The following PIBF1 variants were observed in gnomAD, a reference collection of about 807,000 sequenced individuals.
PIBF1 encodes progesterone-induced-blocking factor 1.
In PIBF1, 90 loss-of-function variants were observed where a neutral mutation model predicts 112.5. That is an observed-to-expected ratio of 0.80 (90% CI 0.67 to 0.95). PIBF1 has a LOEUF of 0.95. Ranked by LOEUF, PIBF1 falls within the 40% of genes least tolerant of loss-of-function variation. PIBF1 has a pLI of 0.00. For missense variants in PIBF1, 915 were observed against 852.3 expected (o/e 1.07, Z -0.92); for synonymous variants, 301 against 288.6 (o/e 1.04, Z -0.44).
In PIBF1 at chr13:72,933,096, T is replaced by TAAATAAAC; in HGVS notation, c.1833+1832_1833+1833insTAAACAAA. On this transcript the variant is annotated intron_variant, in intron 14 of 17. Coordinates refer to ENST00000326291, the MANE Select transcript of PIBF1 (RefSeq NM_006346.4). ...TGCTAGGTGGAAGCAGAAAAGATAA[T>TAAATAAAC]AAACAAACAAACAAACCTCTGTTTG... Among the ~76,000 whole-genome samples the TAAATAAAC allele has an allele frequency of 1.5e-5, 2 of 133,560 alleles. 1 individual carries two copies. The highest frequency in any genetic ancestry group is 6.9e-3 in the Middle Eastern group (2 of 288). The allele number at this position is 133,560 out of a possible 152,430, so 87.6% of individuals were successfully genotyped here.
chr13:72,785,461 T>C (rs2138316973), intron 2 of PIBF1, among the ~76,000 whole-genome samples: 1 of 152,322 alleles, frequency 6.6e-6, no homozygotes, highest in Non-Finnish European at 1.5e-5. Context: ...ACAAAGCCAC[T>C]AGGTGGTTAA....
At chr13:73,014,465 A>G (rs1198015846) in intron 17 of PIBF1, among the ~76,000 whole-genome samples, 1 of 152,200 alleles carries the variant, frequency 6.6e-6, no homozygotes, top group Non-Finnish European at 1.5e-5. Flanking sequence ...GATACTATAT[A>G]TTATTATGAT....
At chr13:72,956,292 A>G (rs1158650276) in intron 14 of PIBF1, among the ~76,000 whole-genome samples, 1 of 151,758 alleles carries the variant, frequency 6.6e-6, no homozygotes, top group Non-Finnish European at 1.5e-5. Context: ...TTTTTTCAGT[A>G]TCTCTCCTTA....
At chr13:73,004,403 AT>A (rs2043965210) in intron 17 of PIBF1, among the ~76,000 whole-genome samples, 1 of 151,878 alleles carries the variant, frequency 6.6e-6, no homozygotes, top group Admixed American at 6.6e-5. Context: ...AGACAAGTGA[AT>A]CACTTGAACC....
chr13:72,902,159 C>G lies in PIBF1; in HGVS notation c.1489-6372C>G, dbSNP rs375850149. Among the ~76,000 whole-genome samples, 22 of 152,174 alleles carry G rather than the reference C, an allele frequency of 1.4e-4. No individual in the cohort carries two copies. The East Asian group carries it at 4.1e-3, about 28-fold the overall frequency. ...AATGGAAAACCAAATGTCACATGTT[C>G]TACTGATATGTGGGAGCTATGCTAT... On this transcript the variant is annotated intron_variant, in intron 11 of 17. Transcript: ENST00000326291.
chr13:72,995,959 A>G lies in PIBF1; in HGVS notation c.2050-2863A>G, dbSNP rs1032676617. 1.7e-4 allele frequency among the ~76,000 whole-genome samples: 26 copies of G among 150,844 alleles called. 1 individual carries two copies. Among genetic ancestry groups the G allele is most frequent in the Admixed American group, 1.3e-3 (20 of 15,080 alleles). On this transcript the variant is annotated intron_variant, in intron 16 of 17. Coordinates refer to ENST00000326291, the MANE Select transcript of PIBF1 (RefSeq NM_006346.4). ...GCGAGACTCCATCTCAAAAAAAAAAAGAAAAGAAAAACCACAAAAGTAACT... is the reference window on the plus strand; with the variant it reads ...GCGAGACTCCATCTCAAAAAAAAAAGGAAAAGAAAAACCACAAAAGTAACT...
intron 10 of PIBF1, among the ~76,000 whole-genome samples, chr13:72,888,134 ACT>A (rs1466557682): frequency 6.6e-6 from 1 of 152,186 alleles, no homozygotes; most frequent in East Asian, 1.9e-4. Flanking sequence ...AACTAGGTAT[ACT>A]GTTTGTTGTG....
Position 72,987,244 on chromosome 13 carries a change from A to G in PIBF1, c.2050-11578A>G, listed in dbSNP as rs564805007. Among the ~76,000 whole-genome samples, 6 of 152,348 alleles carry G rather than the reference A, an allele frequency of 3.9e-5. No homozygotes were observed. In the East Asian group the frequency reaches 9.6e-4, roughly 24 times the overall value. ...TAAGAGATTTGTTACACATGTCTCC[A>G]AAGTCCAGAATTAAACCAAAGGCTA... On this transcript the variant is annotated intron_variant, in intron 16 of 17. Coordinates refer to ENST00000326291, the MANE Select transcript of PIBF1 (RefSeq NM_006346.4).
At chr13:72,938,785 C>T (rs1205621476) in intron 14 of PIBF1, among the ~76,000 whole-genome samples, 6 of 152,166 alleles carry the variant, frequency 3.9e-5, no homozygotes, top group Non-Finnish European at 7.3e-5. Context: ...ACATTCCCAC[C>T]AGCCATTTCA....
intron 16 of PIBF1, among the ~76,000 whole-genome samples, chr13:72,988,495 C>T (rs890951638): frequency 6.6e-6 from 1 of 152,096 alleles, no homozygotes; most frequent in Non-Finnish European, 1.5e-5. Flanking sequence ...AGTACAAAAT[C>T]TGTTTTGTCC....
At chr13:72,949,296 CTGTCT>C (rs1566481262) in intron 14 of PIBF1, among the ~76,000 whole-genome samples, 15 of 110,916 alleles carry the variant, frequency 1.4e-4, no homozygotes, top group African/African-American at 4.9e-4. Context: ...AGACAAATAG[CTGTCT>C]TTTTTTTTTT....
intron 12 of PIBF1, among the ~76,000 whole-genome samples, chr13:72,910,618 T>A (rs915875834): frequency 6.6e-6 from 1 of 152,150 alleles, no homozygotes. Context: ...ATATGACATA[T>A]TAAGTGCTGT....
chr13:72,784,977 A>G (rs1158927744), intron 2 of PIBF1, among the ~76,000 whole-genome samples: 1 of 151,788 alleles, frequency 6.6e-6, no homozygotes, highest in Non-Finnish European at 1.5e-5. Flanking sequence ...GGTTCAAGCA[A>G]TTCTCCTGCC....
intron 14 of PIBF1, among the ~76,000 whole-genome samples, chr13:72,952,664 G>A (rs771229283): frequency 2.8e-4 from 41 of 144,106 alleles, no homozygotes; most frequent in African/African-American, 9.3e-4. Context: ...TTTTTTACTC[G>A]TTGGGGATGT....
intron 14 of PIBF1, among the ~76,000 whole-genome samples, chr13:72,934,831 A>AT (rs2041816614): frequency 6.6e-6 from 1 of 152,188 alleles, no homozygotes; most frequent in Non-Finnish European, 1.5e-5. Flanking sequence ...ACCAAAATGA[A>AT]GGTAATAAAC....
intron 5 of PIBF1, among the ~76,000 whole-genome samples, chr13:72,802,802 A>G (rs2035547383): frequency 6.6e-6 from 1 of 152,154 alleles, no homozygotes. Context: ...AGATTACCAA[A>G]GGAGAGTGAG....
intron 5 of PIBF1, among the ~76,000 whole-genome samples, chr13:72,813,187 T>C (rs1422333623): frequency 1.3e-5 from 2 of 152,174 alleles, no homozygotes; most frequent in African/African-American, 2.4e-5. Flanking sequence ...GGTTAAATTA[T>C]ATAGTCAACA....
intron 15 of PIBF1, among the ~76,000 whole-genome samples, chr13:72,968,983 A>G (rs1176814459): frequency 6.6e-6 from 1 of 151,846 alleles, no homozygotes; most frequent in Non-Finnish European, 1.5e-5. Flanking sequence ...GGAGGTTGCA[A>G]TGAGCAACTG....
chr13:72,812,064 G>A (rs1416792690), intron 5 of PIBF1, among the ~76,000 whole-genome samples: 1 of 152,050 alleles, frequency 6.6e-6, no homozygotes, highest in Non-Finnish European at 1.5e-5. Flanking sequence ...GGGCTTATTG[G>A]GTTTTGAGAT....
Sources: gnomAD v4.1 joint callset for allele counts (sites outside exome capture counted in the v4.1 genomes callset) on GRCh38, gnomAD v4.1.1 for gene constraint, MANE v1.5 for transcripts, NCBI Gene and HGNC (gene_info 2026-07-23, HGNC 2026-07-21) for gene names.